AARSD1: variants seen among roughly 807,000 people sequenced by gnomAD.
AARSD1 encodes the protein alanyl-tRNA synthetase domain containing 1.
In AARSD1, 44 loss-of-function variants were observed where a neutral mutation model predicts 48.7. The ratio of observed to expected loss-of-function variants is 0.90; its 90% CI spans 0.71 to 1.16. The LOEUF (loss-of-function observed/expected upper bound fraction) is 1.16. Ranked by LOEUF, AARSD1 falls within the 50% of genes most tolerant of loss-of-function variation. AARSD1 has a pLI of 0.00. For synonymous variants in AARSD1, 189 were observed against 194.9 expected (o/e 0.97, Z 0.25); for missense variants, 511 against 523.1 (o/e 0.98, Z 0.23).
Position 42,950,535 on chromosome 17 carries a change from A to G in AARSD1, c.*58T>C. ...AGTGGTAGCGCAACCATTCTGAGTC[A>G]ATCTATTTTATTGACCAAAAGATTC... is the stretch of plus-strand genomic sequence containing the variant. On this transcript the variant is annotated 3_prime_UTR_variant, in exon 12 of 12. Coordinates refer to ENST00000427569, the MANE Select transcript of AARSD1 (RefSeq NM_001261434.2). The G allele has an allele frequency of 3.2e-6, 5 of 1,552,920 alleles. No homozygotes were observed. The highest frequency in any genetic ancestry group is 4.4e-6 in the Non-Finnish European group (5 of 1,148,038).
intron 10 of AARSD1, among the ~76,000 whole-genome samples, chr17:42,952,528 G>C (rs1286932226): frequency 1.3e-5 from 2 of 152,196 alleles, no homozygotes; most frequent in East Asian, 3.9e-4. Flanking sequence ...GAGATAGTGG[G>C]GCATGGTGGC....
In AARSD1 at chr17:42,953,773, T is replaced by C. The variant is rs777730319; in HGVS notation, c.959A>G (p.Glu320Gly). 3.6e-5 allele frequency: 58 copies of C among 1,614,096 alleles called. No individual in the cohort carries two copies. The highest frequency in any genetic ancestry group is 4.8e-5 in the Non-Finnish European group (57 of 1,180,002). Residue 320 changes from glutamate to glycine, a missense_variant, in exon 10 of 12, where the codon GAG becomes GGG. Coordinates refer to ENST00000427569, the MANE Select transcript of AARSD1 (RefSeq NM_001261434.2). ...GATATTCATGAACTCTGAATCACCCTCCTTCCTACAACAAAGGACACAGAC... is the reference window on the plus strand; with the variant it reads ...GATATTCATGAACTCTGAATCACCCCCCTTCCTACAACAAAGGACACAGAC... The part of the protein sequence containing the change: ...WGGVVILHRK[E>G]GDSEFMNIIA...
rs1333198858 is a variant in AARSD1 at position 42,956,450 on chromosome 17, G to A, written c.500C>T (p.Pro167Leu). The A allele has an allele frequency of 6.2e-7, 1 of 1,613,886 alleles. No individual in the cohort carries two copies. Among genetic ancestry groups the A allele is most frequent in the African/African-American group, 1.3e-5 (1 of 74,858 alleles). The part of the protein sequence containing the change: ...SVNEKIRDRL[P>L]VNVRELSLDD... ...CAGGCTCAGTTCTCGGACATTCACAGGCAGCCGATCTCTGATTTTTTCATT... is the reference window on the plus strand; with the variant it reads ...CAGGCTCAGTTCTCGGACATTCACAAGCAGCCGATCTCTGATTTTTTCATT... The change falls in exon 5 of 12, where the codon CCT becomes CTT. Residue 167 changes from proline to leucine, a missense_variant. Coordinates refer to ENST00000427569, the MANE Select transcript of AARSD1 (RefSeq NM_001261434.2).
In AARSD1 at chr17:42,957,123, A is replaced by G. The variant is rs1660891975; in HGVS notation, c.389+15T>C. The G allele has an allele frequency of 6.2e-7, 1 of 1,612,928 alleles. No individual in the cohort carries two copies. The highest frequency in any genetic ancestry group is 8.5e-7 in the Non-Finnish European group (1 of 1,179,498). On this transcript the variant is annotated intron_variant, in intron 4 of 11. Transcript: ENST00000427569. ...GATGGGCCTGCCTACAGTTAGTCTT[A>G]TGCCTCCCACTCACCATGATGTTGT...
Position 42,956,400 on chromosome 17 carries a change from T to G in AARSD1, c.546+4A>C, listed in dbSNP as rs1382446803. 2 of 1,613,926 alleles carry G rather than the reference T, an allele frequency of 1.2e-6. No individual in the cohort carries two copies. Among genetic ancestry groups the G allele is most frequent in the African/African-American group, 2.7e-5 (2 of 74,894 alleles). On this transcript the variant is annotated splice_donor_region_variant and intron_variant, in intron 5 of 11. Coordinates refer to ENST00000427569, the MANE Select transcript of AARSD1 (RefSeq NM_001261434.2). The stretch of plus-strand genomic sequence containing the variant: ...AGAAACCATCCCTCTGGCTCTACCC[T>G]TACCTGCTCCACCTCAGGATCATCC...
intron 10 of AARSD1, 135 bp from the exon 11 acceptor site, chr17:42,952,029 G>A: frequency 2.9e-6 from 3 of 1,017,824 alleles, no homozygotes; most frequent in Non-Finnish European, 4.3e-6. Context: ...GATGAATGAT[G>A]ATACAGCCCC....
At chr17:42,960,498 G>A (rs904381045) in intron 3 of AARSD1, among the ~76,000 whole-genome samples, 4 of 151,610 alleles carry the variant, frequency 2.6e-5, no homozygotes, top group South Asian at 4.2e-4. Flanking sequence ...CAAGGCAGGC[G>A]GATCATCTGA....
chr17:42,963,211 G>T (rs2049661951), intron 2 of AARSD1, among the ~76,000 whole-genome samples: 1 of 151,104 alleles, frequency 6.6e-6, no homozygotes, highest in South Asian at 2.1e-4. Context: ...CTCCCGAGTA[G>T]CTGGGACTAC....
intron 7 of AARSD1, 109 bp from the exon 8 acceptor site, chr17:42,955,333 G>T: frequency 7.3e-7 from 1 of 1,370,506 alleles, no homozygotes; most frequent in Non-Finnish European, 1.0e-6. Flanking sequence ...TGCAGTCAGG[G>T]ACCAGGAGAT....
intron 7 of AARSD1, chr17:42,955,473 C>G (rs1186297444): frequency 2.2e-6 from 1 of 444,568 alleles, no homozygotes; most frequent in African/African-American, 2.1e-5. Context: ...GAGTCTTGCT[C>G]TATCGCCCAG....
At position 42,964,096 on chromosome 17, in the gene AARSD1, G is replaced by A. The variant is rs1416171841; in HGVS notation, c.171+10C>T. On this transcript the variant is annotated intron_variant, in intron 2 of 11. Transcript: ENST00000427569. ...ACTGGGGGCTTCCTGGGAAGAGATC[G>A]TTTTGGTACCTGTCCCCCGCCCTCA... 3 of 1,613,988 alleles carry A rather than the reference G, an allele frequency of 1.9e-6. No homozygotes were observed. The highest frequency in any genetic ancestry group is 2.5e-6 in the Non-Finnish European group (3 of 1,180,034).
chr17:42,958,709 T>C (rs2049591587), intron 3 of AARSD1, among the ~76,000 whole-genome samples: 1 of 148,990 alleles, frequency 6.7e-6, no homozygotes, highest in African/African-American at 2.5e-5. Flanking sequence ...TAGCTGGGAT[T>C]ACAGGTGCAC....
At chr17:42,958,584 A>G (rs2151942161) in intron 3 of AARSD1, among the ~76,000 whole-genome samples, 1 of 151,602 alleles carries the variant, frequency 6.6e-6, no homozygotes, top group South Asian at 2.1e-4. Flanking sequence ...TTATTTATTT[A>G]TTTTGAGATG....
chr17:42,956,138 A>G, intron 6 of AARSD1, 66 bp downstream of exon 6: 1 of 1,612,064 alleles, frequency 6.2e-7, no homozygotes, highest in Non-Finnish European at 8.5e-7. Flanking sequence ...TCCCACTCCC[A>G]GCCCCATGTG....
At chr17:42,961,154 A>G (rs201830418) in intron 3 of AARSD1, 38 bp downstream of exon 3, 5 of 1,579,152 alleles carry the variant, frequency 3.2e-6, no homozygotes, top group Non-Finnish European at 4.3e-6. Flanking sequence ...CATACATGGC[A>G]ACTGCTCCGG....
chr17:42,958,850 G>A (rs1200034257), intron 3 of AARSD1, among the ~76,000 whole-genome samples: 1 of 150,668 alleles, frequency 6.6e-6, no homozygotes, highest in Non-Finnish European at 1.5e-5. Flanking sequence ...TTACAGGCAT[G>A]AGCCACCACG....
chr17:42,964,383 CCTCGCCGTGACGCCGTACCT>C lies in AARSD1; in HGVS notation c.38_39+18del. On this transcript the variant is annotated splice_donor_variant and splice_donor_5th_base_variant and coding_sequence_variant and intron_variant, in exon 1 of 12. Transcript: ENST00000427569. LOFTEE classifies it high-confidence loss of function. ...CTTGCCGGCCCGGCAGTCTCAAGTGCCTCGCCGTGACGCCGTACCTCTCGGGCATAACTGTCACGCTGACA... is the reference window on the plus strand; with the variant it reads ...CTTGCCGGCCCGGCAGTCTCAAGTGCCTCGGGCATAACTGTCACGCTGACA... The C allele has an allele frequency of 2.6e-6, 4 of 1,555,206 alleles. No homozygotes were observed. Among genetic ancestry groups the C allele is most frequent in the Non-Finnish European group, 3.5e-6 (4 of 1,149,346 alleles).
Position 42,957,201 on chromosome 17 carries a change from CAA to C in AARSD1, c.332-8_332-7del. ...TGCCGTGATGAGATGCTGCCCTAAG[CAA>C]AGAGAGCCAGAGACAGGAGAAAAGT... On this transcript the variant is annotated splice_region_variant and splice_polypyrimidine_tract_variant and intron_variant, in intron 3 of 11. Transcript: ENST00000427569. 6.2e-7 allele frequency: 1 copy of C among 1,613,516 alleles called. No individual in the cohort carries two copies. Among genetic ancestry groups the C allele is most frequent in the South Asian group, 1.1e-5 (1 of 91,056 alleles).
At chr17:42,959,188 C>T (rs1171927608) in intron 3 of AARSD1, among the ~76,000 whole-genome samples, 9 of 87,500 alleles carry the variant, frequency 1.0e-4, no homozygotes, top group African/African-American at 3.6e-4. Context: ...CAGAGCGAGA[C>T]TTTGTCTCAA....
Sources: allele counts gnomAD v4.1 joint callset (sites outside exome capture counted in the v4.1 genomes callset), GRCh38; gene constraint gnomAD v4.1.1; transcripts MANE v1.5; gene names NCBI Gene and HGNC (gene_info 2026-07-23, HGNC 2026-07-21).